Variants in ABCC2 observed in about 807,000 individuals in gnomAD.
ABCC2 encodes the protein ATP-binding cassette sub-family C member 2.
ABCC2 carries 157 observed loss-of-function variants against 173.4 expected under a neutral mutation model. The observed-to-expected ratio is 0.91, with a 90% CI of 0.80 to 1.03. The LOEUF (loss-of-function observed/expected upper bound fraction) is 1.03. Among genes scored for constraint, ABCC2 ranks in the 50% least tolerant of loss-of-function variants. The pLI, the probability that ABCC2 is intolerant of heterozygous loss-of-function variation, is 0.00. For synonymous variants in ABCC2, 657 were observed against 693.5 expected, an observed-to-expected ratio of 0.95 and a Z score of 0.83; for missense variants, 1,822 against 1,852.3, an observed-to-expected ratio of 0.98 and a Z score of 0.30.
Position 99,799,350 on chromosome 10 carries a change from TGTGA to T in ABCC2, c.1014_1017del (p.Ser339LeufsTer4), listed in dbSNP as rs1564674618. 1 of 1,614,186 alleles carries T rather than the reference TGTGA, an allele frequency of 6.2e-7. No homozygotes were observed. Among genetic ancestry groups the T allele is most frequent in the Admixed American group, 1.7e-5 (1 of 60,022 alleles). On this transcript the variant is annotated frameshift_variant, in exon 8 of 32. Coordinates refer to ENST00000647814, the MANE Select transcript of ABCC2 (RefSeq NM_000392.5). LOFTEE classifies it high-confidence loss of function. ...AGCTAGTGAATGACATCTTCACGTT[TGTGA>T]GTCCTCAGCTGCTGAAGTGAGTCTC...
Position 99,792,281 on chromosome 10 carries a change from T to A in ABCC2, c.255T>A (p.Leu85=), listed in dbSNP as rs1429136604. ...TTCTAGCAGCCATAGAGCTGGCCCT[T>A]GTACTCACAGAAGACTCTGGACAAG... ...LLILAAIELA[L]VLTEDSGQAT... is the part of the protein sequence containing the mutation. Residue 85 remains leucine, a synonymous_variant, in exon 3 of 32, where the codon CTT becomes CTA. Coordinates refer to ENST00000647814, the MANE Select transcript of ABCC2 (RefSeq NM_000392.5). The A allele has an allele frequency of 1.2e-5, 20 of 1,614,014 alleles. No homozygotes were observed. The highest frequency in any genetic ancestry group is 1.5e-5 in the Non-Finnish European group (18 of 1,179,994).
At chr10:99,807,251 TA>T (rs1218241234) in intron 11 of ABCC2, 132 bp from the exon 12 acceptor site, 25 of 1,197,924 alleles carry the variant, frequency 2.1e-5, no homozygotes. Context: ...TACCTTTCTG[TA>T]ATCATACTTT....
At position 99,800,407 on chromosome 10, in the gene ABCC2, T is replaced by A. The variant is rs781035546; in HGVS notation, c.1053T>A (p.Ser351Arg). The change falls in exon 9 of 32, where the codon AGT becomes AGA. Residue 351 changes from serine (S) to arginine (R), a missense_variant. Physicochemically the swap from Ser to Arg is moderately radical, Grantham distance 110. Transcript: ENST00000647814. ...GCAGATTGCTGATCTCCTTTGCAAG[T>A]GACCGTGACACATATTTGTGGATTG... ...QLLKLLISFASDRDTYLWIGY... is the reference protein window; with the variant it reads ...QLLKLLISFARDRDTYLWIGY... 2 of 1,614,068 alleles carry A rather than the reference T, an allele frequency of 1.2e-6. No homozygotes were observed. Among genetic ancestry groups the A allele is most frequent in the African/African-American group, 1.3e-5 (1 of 74,934 alleles).
intron 26 of ABCC2, among the ~76,000 whole-genome samples, chr10:99,842,707 T>C (rs1367207605): frequency 6.6e-6 from 1 of 152,182 alleles, no homozygotes; most frequent in African/African-American, 2.4e-5. Flanking sequence ...TCAAAGAGAT[T>C]TGCATAGTTA....
At chr10:99,846,280 C>G (rs907230835) in intron 29 of ABCC2, among the ~76,000 whole-genome samples, 1 of 152,252 alleles carries the variant, frequency 6.6e-6, no homozygotes, top group Non-Finnish European at 1.5e-5. Context: ...GAGGCCTCTC[C>G]GTTCCCCGCA....
At chr10:99,819,859 C>G (rs932306301) in intron 19 of ABCC2, among the ~76,000 whole-genome samples, 6 of 152,244 alleles carry the variant, frequency 3.9e-5, no homozygotes, top group Admixed American at 3.9e-4. Flanking sequence ...CAGTTAGCCC[C>G]AGTCAGCAGT....
chr10:99,814,764 T>C (rs111286300), intron 16 of ABCC2, among the ~76,000 whole-genome samples: 1,622 of 131,062 alleles, frequency 0.012, 22 homozygotes, highest in Non-Finnish European at 0.016. Context: ...TACACACACA[T>C]ATATGTGTGT....
Position 99,846,979 on chromosome 10 carries a change from G to GGA in ABCC2, c.4166_4167dup (p.Ser1390GlufsTer3). The GGA allele has an allele frequency of 6.2e-7, 1 of 1,614,152 alleles. No homozygotes were observed. Among genetic ancestry groups the GGA allele is most frequent in the Non-Finnish European group, 8.5e-7 (1 of 1,180,022 alleles). The stretch of plus-strand genomic sequence containing the variant: ...CTTGCAGGACCCCATCCTGTTCTCT[G>GGA]GAAGCCTGAGGATGAATCTCGACCC... On this transcript the variant is annotated frameshift_variant, in exon 30 of 32. Coordinates refer to ENST00000647814, the MANE Select transcript of ABCC2 (RefSeq NM_000392.5). LOFTEE classifies it high-confidence loss of function.
At chr10:99,796,109 TC>T (rs970541321) in intron 6 of ABCC2, among the ~76,000 whole-genome samples, 2 of 152,318 alleles carry the variant, frequency 1.3e-5, no homozygotes, top group African/African-American at 4.8e-5. Context: ...ACACCTGTAA[TC>T]CCAGCACCTT....
At chr10:99,816,548 G>T (rs2038417107) in intron 16 of ABCC2, among the ~76,000 whole-genome samples, 1 of 151,898 alleles carries the variant, frequency 6.6e-6, no homozygotes. Context: ...CCAAAGTGCT[G>T]GGATTACAAG....
rs1378857348 is a variant in ABCC2, at chr10:99,824,933, C to T, written c.2621-5374C>T. Reference sequence around the variant, plus strand: ...AAGCCTCCAGTTTTTGTTTTGGTAGCGGCCACTGATTTACCCACACCGGTT... The same window carrying T: ...AAGCCTCCAGTTTTTGTTTTGGTAGTGGCCACTGATTTACCCACACCGGTT... On this transcript the variant is annotated intron_variant, in intron 19 of 31. Coordinates refer to ENST00000647814, the MANE Select transcript of ABCC2 (RefSeq NM_000392.5). 1.0e-4 allele frequency among the ~76,000 whole-genome samples: 9 copies of T among 89,274 alleles called. No individual in the cohort carries two copies. In the East Asian group the frequency reaches 2.7e-3, roughly 27 times the overall value. 58.6% of individuals were successfully genotyped at this position (89,274 alleles called of 152,430 possible).
At chr10:99,795,354 A>G (rs1210293195) in intron 6 of ABCC2, among the ~76,000 whole-genome samples, 1 of 152,184 alleles carries the variant, frequency 6.6e-6, no homozygotes, top group Non-Finnish European at 1.5e-5. Context: ...TGAGTCTAAT[A>G]ATTACCATAA....
intron 6 of ABCC2, among the ~76,000 whole-genome samples, chr10:99,796,213 A>C (rs1044698402): frequency 6.6e-6 from 1 of 151,942 alleles, no homozygotes; most frequent in East Asian, 1.9e-4. Flanking sequence ...AAATACAAAA[A>C]TTAGCTGGGG....
At chr10:99,819,322 A>T in intron 19 of ABCC2, 53 bp downstream of exon 19, 1 of 1,535,960 alleles carries the variant, frequency 6.5e-7, no homozygotes, top group Non-Finnish European at 9.0e-7. Context: ...GTGGAATGGT[A>T]AATCAATATC....
chr10:99,813,214 G>T, intron 16 of ABCC2, 70 bp downstream of exon 16: 1 of 1,573,768 alleles, frequency 6.4e-7, no homozygotes, highest in Non-Finnish European at 8.7e-7. Flanking sequence ...TTGCCTCACT[G>T]GGGAGAAGGC....
chr10:99,850,342 G>T (rs1407533261), intron 30 of ABCC2, among the ~76,000 whole-genome samples: 1 of 152,194 alleles, frequency 6.6e-6, no homozygotes, highest in Non-Finnish European at 1.5e-5. Flanking sequence ...CTAGGCTCCT[G>T]CCCGCTCTGA....
Position 99,844,385 on chromosome 10 carries a change from A to C in ABCC2, c.3907A>C (p.Asn1303His). Reference sequence around the variant, plus strand: ...GCCCAGCAAAGGCAAGATCCAGTTTAACAACTACCAAGTGCGGTACCGACC... The same window carrying C: ...GCCCAGCAAAGGCAAGATCCAGTTTCACAACTACCAAGTGCGGTACCGACC... ...DWPSKGKIQF[N>H]NYQVRYRPEL... Residue 1303 changes from asparagine (N) to histidine (H), a missense_variant, in exon 28 of 32, where the codon AAC becomes CAC. Asn to His is a moderately conservative substitution (Grantham distance 68, BLOSUM62 1). Transcript: ENST00000647814. The C allele has an allele frequency of 1.2e-6, 2 of 1,614,238 alleles. No individual in the cohort carries two copies.
Position 99,784,694 on chromosome 10 carries a change from A to G in ABCC2, c.120A>G (p.Leu40=), listed in dbSNP as rs758773571. 5 of 1,614,036 alleles carry G rather than the reference A, an allele frequency of 3.1e-6. No individual in the cohort carries two copies. Among genetic ancestry groups the G allele is most frequent in the East Asian group, 2.2e-5 (1 of 44,884 alleles). The stretch of plus-strand genomic sequence containing the variant: ...TGGTGTGGATTCCCTTGGGCTACCT[A>G]TGGCTCCTGGCCCCCTGGCAGCTTC... The part of the protein sequence containing the change: ...TVLVWIPLGY[L]WLLAPWQLLH... Residue 40 remains leucine (L), a synonymous_variant, in exon 2 of 32, where the codon CTA becomes CTG. Transcript: ENST00000647814.
At chr10:99,821,184 C>T (rs1007018473) in intron 19 of ABCC2, among the ~76,000 whole-genome samples, 1 of 152,236 alleles carries the variant, frequency 6.6e-6, no homozygotes, top group African/African-American at 2.4e-5. Context: ...CAATGCTTTA[C>T]AAAGCAGTAT....
Sources: gnomAD v4.1 joint callset for allele counts (sites outside exome capture counted in the v4.1 genomes callset) on GRCh38, gnomAD v4.1.1 for gene constraint, MANE v1.5 for transcripts, NCBI Gene and HGNC (gene_info 2026-07-23, HGNC 2026-07-21) for gene names.